The following MYO7A variants were observed in gnomAD, a reference collection of about 807,000 sequenced individuals.
MYO7A encodes myosin VIIA, also known as unconventional myosin-VIIa.
Under a neutral mutation model 263.8 loss-of-function variants are expected in MYO7A, and 210 were observed. The ratio of observed to expected loss-of-function variants is 0.80; its 90% confidence interval spans 0.71 to 0.89. The LOEUF is 0.89. Among genes scored for constraint, MYO7A ranks in the 40% least tolerant of loss-of-function variants. MYO7A has a pLI of 0.00. For synonymous variants in MYO7A, 1,239 were observed against 1,197.3 expected (o/e 1.03, Z -0.72); for missense variants, 2,820 against 2,968.3 (o/e 0.95, Z 1.16).
At chr11:77,192,028 TC>T (rs1472236539) in intron 30 of MYO7A, 22 bp from the exon 31 acceptor site, 16 of 1,598,714 alleles carry the variant, frequency 1.0e-5, no homozygotes, top group Non-Finnish European at 1.3e-5. Context: ...CTGTGCCTGC[TC>T]CCCTCCCCTC....
Position 77,130,633 on chromosome 11 carries a change from C to T in MYO7A, c.-2C>T. ...GGCAGCAGGAGCTCCTGACTTGGGACCATGGTGATTCTTCAGCAGGTCAGT... is the reference window on the plus strand; with the variant it reads ...GGCAGCAGGAGCTCCTGACTTGGGATCATGGTGATTCTTCAGCAGGTCAGT... On this transcript the variant is annotated 5_prime_UTR_variant, in exon 2 of 49. Transcript: ENST00000409709. The T allele has an allele frequency of 6.2e-7, 1 of 1,613,314 alleles. No homozygotes were observed. Among genetic ancestry groups the T allele is most frequent in the African/African-American group, 1.3e-5 (1 of 75,062 alleles).
chr11:77,172,040 T>C (rs1470601733), intron 15 of MYO7A, among the ~76,000 whole-genome samples: 7 of 152,182 alleles, frequency 4.6e-5, no homozygotes, highest in African/African-American at 1.7e-4. Flanking sequence ...TAGCCAGGCC[T>C]GCCCCGCCCC....
intron 43 of MYO7A, 36 bp downstream of exon 43, chr11:77,208,553 A>G: frequency 8.2e-6 from 13 of 1,589,128 alleles, no homozygotes; most frequent in Non-Finnish European, 9.5e-6. Flanking sequence ...TCTGAGGCCC[A>G]GAGCAGGGAA....
Position 77,142,545 on chromosome 11 carries a change from C to T in MYO7A, c.19-164C>T. ...ATTGCATAAATGCCCAGCCCAGGGC[C>T]TGCACTGCTCCAGAAGGTTGCTAGT... On this transcript the variant is annotated intron_variant, in intron 2 of 48. Coordinates refer to ENST00000409709, the MANE Select transcript of MYO7A (RefSeq NM_000260.4). The T allele has an allele frequency of 8.6e-6, 6 of 696,498 alleles. No homozygotes were observed. The East Asian group carries it at 1.7e-4, about 19-fold the overall frequency. The allele number at this position is 696,498 out of a possible 1,614,324, so 43.1% of individuals were successfully genotyped here. A position where few individuals can be genotyped will look rare whatever the true frequency, so the allele number is the denominator to read the frequency against.
Position 77,172,778 on chromosome 11 carries a change from C to T in MYO7A, c.1828C>T (p.Leu610Phe). The change falls in exon 16 of 49, where the codon CTT becomes TTT. Residue 610 changes from leucine to phenylalanine, a missense_variant. Coordinates refer to ENST00000409709, the MANE Select transcript of MYO7A (RefSeq NM_000260.4). ...GAETRKRSPT[L>F]SSQFKRSLEL... ...CGAGACCAGGAAGCGCTCGCCCACA[C>T]TTAGCAGCCAGTTCAAGCGGTCACT... is the stretch of plus-strand genomic sequence containing the variant. The T allele has an allele frequency of 6.4e-7, 1 of 1,560,160 alleles. No individual in the cohort carries two copies. The highest frequency in any genetic ancestry group is 8.7e-7 in the Non-Finnish European group (1 of 1,152,580).
At chr11:77,197,422 T>G in intron 32 of MYO7A, 59 bp from the exon 33 acceptor site, 2 of 1,359,414 alleles carry the variant, frequency 1.5e-6, no homozygotes, top group Non-Finnish European at 2.0e-6. Flanking sequence ...AGCAGCTGAT[T>G]TTTAGAGCAA....
chr11:77,213,440 T>C (rs927869622), intron 47 of MYO7A, among the ~76,000 whole-genome samples: 1 of 152,186 alleles, frequency 6.6e-6, no homozygotes, highest in Non-Finnish European at 1.5e-5. Flanking sequence ...CATCTTTCCA[T>C]TGGCTTCATG....
chr11:77,189,288 G>A, intron 27 of MYO7A, 56 bp from the exon 28 acceptor site: 1 of 1,604,898 alleles, frequency 6.2e-7, no homozygotes, highest in South Asian at 1.1e-5. Context: ...AGGAGGTGGG[G>A]ACCGGGGCTG....
At chr11:77,188,052 C>A (rs1955771368) in intron 27 of MYO7A, among the ~76,000 whole-genome samples, 1 of 152,212 alleles carries the variant, frequency 6.6e-6, no homozygotes, top group Non-Finnish European at 1.5e-5. Flanking sequence ...ACCATCATAC[C>A]TAAAGCTGAC....
Position 77,192,898 on chromosome 11 carries a change from G to C in MYO7A, c.4152+620G>C, listed in dbSNP as rs866321360. On this transcript the variant is annotated intron_variant, in intron 31 of 48. Transcript: ENST00000409709. ...GGTGATGGTGGAGGAGGTAGTGATG[G>C]TGTTGGTGATGGTGGAGGGTAGTGA... 2.3e-3 allele frequency among the ~76,000 whole-genome samples: 272 copies of C among 116,806 alleles called. 9 individuals are homozygous for C. Among genetic ancestry groups the C allele is most frequent in the African/African-American group, 9.4e-3 (240 of 25,616 alleles). The allele number at this position is 116,806 out of a possible 152,430, so 76.6% of individuals were successfully genotyped here.
chr11:77,212,847 AG>A, intron 46 of MYO7A, 104 bp from the exon 47 acceptor site: 1 of 934,448 alleles, frequency 1.1e-6, no homozygotes, highest in Non-Finnish European at 1.7e-6. Context: ...CATAGGCAAC[AG>A]GAGAGGCTGA....
At chr11:77,187,104 A>G (rs1350927366) in intron 27 of MYO7A, among the ~76,000 whole-genome samples, 3 of 152,182 alleles carry the variant, frequency 2.0e-5, no homozygotes, top group Admixed American at 2.0e-4. Flanking sequence ...GGTTTGCCAT[A>G]TTCTATGGGC....
chr11:77,197,469 C>T lies in MYO7A; in HGVS notation c.4324-12C>T. 6.4e-7 allele frequency: 1 copy of T among 1,562,800 alleles called. No homozygotes were observed. The highest frequency in any genetic ancestry group is 8.7e-7 in the Non-Finnish European group (1 of 1,147,510). ...TGTTGTCTTCTGTCCCTCTGTCCCT[C>T]TCTCCTTCCAGGGGATTTATGCCCA... On this transcript the variant is annotated splice_polypyrimidine_tract_variant and intron_variant, in intron 32 of 48. Transcript: ENST00000409709.
In MYO7A at chr11:77,179,041, T is replaced by C; in HGVS notation, c.2283-4T>C. 1 of 1,601,416 alleles carries C rather than the reference T, an allele frequency of 6.2e-7. No homozygotes were observed. Among genetic ancestry groups the C allele is most frequent in the South Asian group, 1.1e-5 (1 of 88,574 alleles). ...GCTCACCCGCGCCACTACTGCTGTT[T>C]CAGGTCTAACTTTCTGAAGCTGAAG... is the stretch of plus-strand genomic sequence containing the variant. On this transcript the variant is annotated splice_polypyrimidine_tract_variant and splice_region_variant and intron_variant, in intron 19 of 48. Transcript: ENST00000409709.
At chr11:77,199,972 A>C (rs947322281) in intron 35 of MYO7A, among the ~76,000 whole-genome samples, 154 bp downstream of exon 35, 1 of 152,194 alleles carries the variant, frequency 6.6e-6, no homozygotes, top group Non-Finnish European at 1.5e-5. Flanking sequence ...CAGGCACTAC[A>C]AGAAGCATGG....
chr11:77,201,299 T>G, intron 35 of MYO7A, 149 bp from the exon 36 acceptor site: 1 of 766,118 alleles, frequency 1.3e-6, no homozygotes, highest in Non-Finnish European at 2.1e-6. Flanking sequence ...CCCACTCTGG[T>G]GATGGTCTCT....
At chr11:77,175,803 G>C (rs1954605452) in intron 18 of MYO7A, among the ~76,000 whole-genome samples, 1 of 152,182 alleles carries the variant, frequency 6.6e-6, no homozygotes, top group Non-Finnish European at 1.5e-5. Flanking sequence ...CTGTAAATTG[G>C]GGTGTGCCTG....
rs957303237 is a variant in MYO7A, at chr11:77,156,556, A to G, written c.471-104A>G. The G allele has an allele frequency of 3.9e-6, 6 of 1,526,022 alleles. No individual in the cohort carries two copies. The African/African-American group carries it at 8.2e-5, about 21-fold the overall frequency. The allele number at this position is 1,526,022 out of a possible 1,614,324, so 94.5% of individuals were successfully genotyped here. A position where few individuals can be genotyped will look rare whatever the true frequency, so the allele number is the denominator to read the frequency against. ...TGGAGGGTCCGTATTGTCAGCTGATATTACAGATGGGGGAGCTGGTGGATG... is the reference window on the plus strand; with the variant it reads ...TGGAGGGTCCGTATTGTCAGCTGATGTTACAGATGGGGGAGCTGGTGGATG... On this transcript the variant is annotated intron_variant, in intron 5 of 48. Coordinates refer to ENST00000409709, the MANE Select transcript of MYO7A (RefSeq NM_000260.4).
At chr11:77,160,333 G>A in intron 11 of MYO7A, 51 bp downstream of exon 11, 1 of 1,529,220 alleles carries the variant, frequency 6.5e-7, no homozygotes. Context: ...TGGGAAGTTG[G>A]GCTCTTGATG....
Sources: allele counts gnomAD v4.1 joint callset (sites outside exome capture counted in the v4.1 genomes callset), GRCh38; gene constraint gnomAD v4.1.1; transcripts MANE v1.5; gene names NCBI Gene and HGNC (gene_info 2026-07-23, HGNC 2026-07-21).